The following GAS2L3 variants were observed in gnomAD, a reference collection of about 807,000 sequenced individuals.
GAS2L3 encodes GAS2-like protein 3.
A neutral mutation model predicts 37.0 loss-of-function variants in GAS2L3; 28 were observed. The observed-to-expected ratio is 0.76, with a 90% confidence interval of 0.56 to 1.04. The LOEUF (loss-of-function observed/expected upper bound fraction) is 1.04. Among genes scored for constraint, GAS2L3 ranks in the 50% least tolerant of loss-of-function variants. The probability of loss-of-function intolerance (pLI) is 0.00; values close to 1 mark genes in which losing one functional copy is unlikely to be tolerated. For missense variants in GAS2L3, 793 were observed against 817.6 expected (o/e 0.97, Z 0.37); for synonymous variants, 290 against 296.6 (o/e 0.98, Z 0.23).
chr12:100,582,288 G>A (rs1955723267), intron 1 of GAS2L3, among the ~76,000 whole-genome samples: 1 of 152,248 alleles, frequency 6.6e-6, no homozygotes, highest in African/African-American at 2.4e-5. Flanking sequence ...GACAAGGTCA[G>A]TTGATCAATT....
chr12:100,590,536 C>T (rs750718296), intron 1 of GAS2L3, among the ~76,000 whole-genome samples: 16 of 152,162 alleles, frequency 1.1e-4, no homozygotes, highest in Non-Finnish European at 2.2e-4. Flanking sequence ...AAAAGTAGAA[C>T]TACCTTTTGA....
chr12:100,583,867 T>A (rs527891727), intron 1 of GAS2L3, among the ~76,000 whole-genome samples: 3 of 152,284 alleles, frequency 2.0e-5, no homozygotes, highest in African/African-American at 7.2e-5. Flanking sequence ...ACCTGGAATA[T>A]GTTGGGTGAG....
intron 1 of GAS2L3, among the ~76,000 whole-genome samples, chr12:100,584,889 T>G (rs1464934284): frequency 2.2e-5 from 3 of 134,678 alleles, no homozygotes; most frequent in East Asian, 4.5e-4. Flanking sequence ...AATGGTTTTT[T>G]TTTTTTTTTT....
At chr12:100,580,804 T>C (rs185444051) in intron 1 of GAS2L3, among the ~76,000 whole-genome samples, 1 of 152,346 alleles carries the variant, frequency 6.6e-6, no homozygotes, top group East Asian at 1.9e-4. Flanking sequence ...TTGAACTAGA[T>C]GCTTCCTGCC....
intron 6 of GAS2L3, among the ~76,000 whole-genome samples, chr12:100,614,745 C>G (rs1050227438): frequency 2.6e-5 from 4 of 152,168 alleles, no homozygotes; most frequent in African/African-American, 4.8e-5. Flanking sequence ...TTTGCATATT[C>G]TGGATGTTTC....
At chr12:100,610,246 A>T (rs60765988) in intron 5 of GAS2L3, among the ~76,000 whole-genome samples, 11,636 of 152,272 alleles carry the variant, frequency 0.076, 616 homozygotes, top group South Asian at 0.18. Context: ...ATCAACAGAG[A>T]AATTGTTAAA....
intron 8 of GAS2L3, among the ~76,000 whole-genome samples, chr12:100,621,983 C>T (rs1220888349): frequency 1.3e-5 from 2 of 151,784 alleles, no homozygotes; most frequent in Non-Finnish European, 1.5e-5. Flanking sequence ...TGAAACCTGG[C>T]TCTGCTACTT....
At chr12:100,588,916 T>A (rs1172546990) in intron 1 of GAS2L3, among the ~76,000 whole-genome samples, 2 of 152,168 alleles carry the variant, frequency 1.3e-5, no homozygotes, top group Non-Finnish European at 2.9e-5. Context: ...TTGTCTTCCC[T>A]TGTTCCATAA....
intron 3 of GAS2L3, among the ~76,000 whole-genome samples, chr12:100,597,701 CT>C (rs1955931569): frequency 6.6e-6 from 1 of 150,816 alleles, no homozygotes; most frequent in Non-Finnish European, 1.5e-5. Context: ...CTTTGTTTGC[CT>C]TGGGGTTAAA....
intron 1 of GAS2L3, chr12:100,578,885 G>A: frequency 1.3e-6 from 1 of 793,256 alleles, no homozygotes; most frequent in Non-Finnish European, 2.2e-6. Context: ...AAATATGGGA[G>A]GTGTGGAAAG....
chr12:100,620,833 C>T (rs980472065), intron 8 of GAS2L3, among the ~76,000 whole-genome samples: 10 of 151,988 alleles, frequency 6.6e-5, no homozygotes, highest in African/African-American at 2.4e-4. Context: ...AATGTATCAG[C>T]ATGGTTCTAA....
Position 100,623,183 on chromosome 12 carries a change from A to G in GAS2L3, c.757-379A>G, listed in dbSNP as rs573735425. Reference sequence around the variant, plus strand: ...TTAAGGCAGTATGATGTAGTAGTGCACAGAGCATAGGACTTAGAGTTAAAA... The same window carrying G: ...TTAAGGCAGTATGATGTAGTAGTGCGCAGAGCATAGGACTTAGAGTTAAAA... On this transcript the variant is annotated intron_variant, in intron 9 of 9. Transcript: ENST00000547754. Among the ~76,000 whole-genome samples the G allele has an allele frequency of 3.3e-5, 5 of 152,288 alleles. No individual in the cohort carries two copies. In the South Asian group the frequency reaches 1.0e-3, roughly 32 times the overall value.
At chr12:100,604,684 G>T (rs1454318098) in intron 5 of GAS2L3, among the ~76,000 whole-genome samples, 1 of 151,926 alleles carries the variant, frequency 6.6e-6, no homozygotes. Context: ...GACCTTAGAG[G>T]AAAGGCTTTC....
Position 100,575,476 on chromosome 12 carries a change from A to ATTTTTTTTTTTTTTTTTTTT in GAS2L3, c.-152+1695_-152+1714dup, listed in dbSNP as rs58446699. ...CTAAAATGTAGTTCATGTTATCTCT[A>ATTTTTTTTTTTTTTTTTTTT]TTTTTTTTTTTTTTTTTTTTTTTGA... On this transcript the variant is annotated intron_variant, in intron 1 of 9. Transcript: ENST00000547754. Among the ~76,000 whole-genome samples the ATTTTTTTTTTTTTTTTTTTT allele has an allele frequency of 3.4e-5, 3 of 88,796 alleles. 1 individual carries two copies. Among genetic ancestry groups the ATTTTTTTTTTTTTTTTTTTT allele is most frequent in the African/African-American group, 4.7e-5 (1 of 21,426 alleles). The allele number at this position is 88,796 out of a possible 152,430, so 58.3% of individuals were successfully genotyped here. A position where few individuals can be genotyped will look rare whatever the true frequency, so the allele number is the denominator to read the frequency against.
chr12:100,578,848 A>C (rs1316968557), intron 1 of GAS2L3: 1 of 721,524 alleles, frequency 1.4e-6, no homozygotes, highest in Non-Finnish European at 2.6e-6. Context: ...CCCATAATAT[A>C]TGTATGGCAT....
chr12:100,582,095 T>A (rs1955720413), intron 1 of GAS2L3, among the ~76,000 whole-genome samples: 1 of 152,192 alleles, frequency 6.6e-6, no homozygotes, highest in Admixed American at 6.5e-5. Flanking sequence ...ATCACCTGGG[T>A]GCAGGTGGAC....
chr12:100,624,110 T>A lies in GAS2L3; in HGVS notation c.1305T>A (p.Cys435Ter). The A allele has an allele frequency of 6.2e-7, 1 of 1,613,992 alleles. No homozygotes were observed. The highest frequency in any genetic ancestry group is 8.5e-7 in the Non-Finnish European group (1 of 1,179,990). ...APCISESPRK[C>*]ISSPNTPKAK... ...GTATATCTGAGTCACCGAGAAAATG[T>A]ATTTCATCCCCCAATACCCCCAAGG... is the stretch of plus-strand genomic sequence containing the variant. The change falls in exon 10 of 10, where the codon TGT becomes TGA. Residue 435 changes from cysteine (C) to a stop codon, truncating the protein, a stop_gained. Transcript: ENST00000547754. LOFTEE classifies it low-confidence loss of function (END_TRUNC).
chr12:100,616,492 A>C (rs986563481), intron 6 of GAS2L3, among the ~76,000 whole-genome samples: 1 of 151,908 alleles, frequency 6.6e-6, no homozygotes, highest in African/African-American at 2.4e-5. Flanking sequence ...CTGGAGTATA[A>C]TGGCACGATA....
In GAS2L3 at chr12:100,624,123, A is replaced by T. The variant is rs1387056792; in HGVS notation, c.1318A>T (p.Asn440Tyr). The change falls in exon 10 of 10, where the codon AAT (asparagine) becomes TAT (tyrosine). Residue 440 changes from asparagine to tyrosine, a missense_variant. Physicochemically the swap from Asn to Tyr is moderately radical, Grantham distance 143. Transcript: ENST00000547754. ...ESPRKCISSP[N>Y]TPKAKVIPAQ... ...ACCGAGAAAATGTATTTCATCCCCC[A>T]ATACCCCCAAGGCCAAGGTTATTCC... 1 of 1,613,954 alleles carries T rather than the reference A, an allele frequency of 6.2e-7. No homozygotes were observed. Among genetic ancestry groups the T allele is most frequent in the East Asian group, 2.2e-5 (1 of 44,872 alleles).
Sources: gnomAD v4.1 joint callset for allele counts (sites outside exome capture counted in the v4.1 genomes callset) on GRCh38, gnomAD v4.1.1 for gene constraint, MANE v1.5 for transcripts, NCBI Gene and HGNC (gene_info 2026-07-23, HGNC 2026-07-21) for gene names.